The following PLS1 variants were observed in gnomAD, a reference collection of about 807,000 sequenced individuals.
PLS1 encodes plastin-1.
Under a neutral mutation model 73.7 loss-of-function variants are expected in PLS1, and 32 were observed. The ratio of observed to expected loss-of-function variants is 0.43; its 90% CI spans 0.33 to 0.58. PLS1 has a LOEUF of 0.58. PLS1 is among the 20% of genes least tolerant of loss of function. The probability of loss-of-function intolerance (pLI) is 0.04; values close to 1 mark genes in which losing one functional copy is unlikely to be tolerated. For missense variants in PLS1, 633 were observed against 740.5 expected, an observed-to-expected ratio of 0.85 and a Z score of 1.68; for synonymous variants, 217 against 261.3, an observed-to-expected ratio of 0.83 and a Z score of 1.63.
intron 12 of PLS1, among the ~76,000 whole-genome samples, chr3:142,703,624 G>GGGAT (rs910927610): frequency 3.3e-5 from 5 of 152,076 alleles, no homozygotes; most frequent in African/African-American, 1.2e-4. Context: ...AGAGTAGGAA[G>GGGAT]GGATCTTAAA....
Position 142,700,084 on chromosome 3 carries a change from C to A in PLS1, c.1371+2017C>A, listed in dbSNP as rs527419475. ...GAACTACAAATAAATACATATGTCA[C>A]AAATGAATCATATGCAGAATACTTT... On this transcript the variant is annotated intron_variant, in intron 12 of 15. Coordinates refer to ENST00000457734, the MANE Select transcript of PLS1 (RefSeq NM_001145319.2). Among the ~76,000 whole-genome samples, 36 of 152,186 alleles carry A rather than the reference C, an allele frequency of 2.4e-4. No homozygotes were observed. In the South Asian group the frequency reaches 6.4e-3, roughly 27 times the overall value.
intron 4 of PLS1, among the ~76,000 whole-genome samples, chr3:142,674,381 A>G (rs2037674787): frequency 6.6e-6 from 1 of 152,172 alleles, no homozygotes; most frequent in Non-Finnish European, 1.5e-5. Flanking sequence ...TGTGTGGTGG[A>G]TTAAATTTTG....
chr3:142,655,523 C>T (rs1050939033), intron 1 of PLS1, among the ~76,000 whole-genome samples: 24 of 152,046 alleles, frequency 1.6e-4, no homozygotes, highest in African/African-American at 5.5e-4. Flanking sequence ...GAGTTCGAGA[C>T]CAGCCTGGCC....
intron 1 of PLS1, among the ~76,000 whole-genome samples, chr3:142,616,732 A>G (rs192620413): frequency 0.011 from 1,742 of 152,146 alleles, 31 homozygotes; most frequent in African/African-American, 0.04. Context: ...CCTCCCAAGT[A>G]GCTGGGATTA....
intron 4 of PLS1, among the ~76,000 whole-genome samples, 175 bp from the exon 5 acceptor site, chr3:142,675,982 C>T (rs769687078): frequency 6.6e-6 from 1 of 152,178 alleles, no homozygotes; most frequent in African/African-American, 2.4e-5. Context: ...CACCCAGCCA[C>T]CTTTCTTCTT....
At chr3:142,709,833 T>A (rs1207922317) in intron 14 of PLS1, among the ~76,000 whole-genome samples, 5 of 136,570 alleles carry the variant, frequency 3.7e-5, no homozygotes, top group African/African-American at 8.5e-5. Flanking sequence ...AAAAAAAAAA[T>A]TAATAAATGA....
At chr3:142,689,903 G>T in intron 10 of PLS1, 90 bp downstream of exon 10, 1 of 823,084 alleles carries the variant, frequency 1.2e-6, no homozygotes, top group Non-Finnish European at 1.9e-6. Flanking sequence ...GATTGTGGTG[G>T]GAAATGCAAT....
At chr3:142,646,126 A>G (rs1421371969) in intron 1 of PLS1, among the ~76,000 whole-genome samples, 2 of 152,192 alleles carry the variant, frequency 1.3e-5, no homozygotes, top group Non-Finnish European at 2.9e-5. Context: ...TGCGAACTGT[A>G]ATAATATCAA....
chr3:142,637,533 T>C (rs1435750533), intron 1 of PLS1, among the ~76,000 whole-genome samples: 3 of 152,212 alleles, frequency 2.0e-5, no homozygotes, highest in Non-Finnish European at 4.4e-5. Flanking sequence ...CGTATGTCAA[T>C]TATACCTTAA....
At chr3:142,645,837 C>A (rs760343361) in intron 1 of PLS1, among the ~76,000 whole-genome samples, 27 of 152,104 alleles carry the variant, frequency 1.8e-4, no homozygotes, top group Admixed American at 2.0e-4. Flanking sequence ...TTATTTAAAT[C>A]TTTTAATCCA....
Position 142,660,572 on chromosome 3 carries a change from G to GT in PLS1, c.-36-3629dup, listed in dbSNP as rs558470637. On this transcript the variant is annotated intron_variant, in intron 1 of 15. Coordinates refer to ENST00000457734, the MANE Select transcript of PLS1 (RefSeq NM_001145319.2). ...TGGCTCACCACCTCTGCCCAGCATGGTGAGAGTATCATACCGCTCTCTGCT... is the reference window on the plus strand; with the variant it reads ...TGGCTCACCACCTCTGCCCAGCATGGTTGAGAGTATCATACCGCTCTCTGCT... 2.6e-3 allele frequency among the ~76,000 whole-genome samples: 395 copies of GT among 152,268 alleles called. 5 individuals carry two copies. The highest frequency in any genetic ancestry group is 2.2e-4 in the Non-Finnish European group (15 of 68,014).
At chr3:142,625,275 G>C (rs1439078321) in intron 1 of PLS1, among the ~76,000 whole-genome samples, 2 of 152,110 alleles carry the variant, frequency 1.3e-5, no homozygotes, top group Non-Finnish European at 2.9e-5. Flanking sequence ...TGATTTTAAG[G>C]CACTCCCTGG....
At position 142,676,147 on chromosome 3, in the gene PLS1, C is replaced by G; in HGVS notation, c.365-10C>G. The G allele has an allele frequency of 6.2e-7, 1 of 1,606,618 alleles. No homozygotes were observed. The highest frequency in any genetic ancestry group is 1.1e-5 in the South Asian group (1 of 89,234). ...AATGAGATTTGCCTACCAAGGTTTTCTCCTTTCAGAGGAAGAAAAAGTGGC... is the reference window on the plus strand; with the variant it reads ...AATGAGATTTGCCTACCAAGGTTTTGTCCTTTCAGAGGAAGAAAAAGTGGC... On this transcript the variant is annotated splice_polypyrimidine_tract_variant and intron_variant, in intron 4 of 15. Transcript: ENST00000457734.
At chr3:142,607,318 T>C in intron 1 of PLS1, among the ~76,000 whole-genome samples, 1 of 152,232 alleles carries the variant, frequency 6.6e-6, no homozygotes, top group Non-Finnish European at 1.5e-5. Context: ...TCTCGCTTTG[T>C]CACCAGGCTG....
intron 1 of PLS1, among the ~76,000 whole-genome samples, chr3:142,616,595 T>C (rs1045575243): frequency 3.3e-5 from 5 of 152,090 alleles, no homozygotes; most frequent in African/African-American, 1.2e-4. Flanking sequence ...TGTTGTTTAG[T>C]GACACAATTA....
At chr3:142,689,200 G>A (rs530536955) in intron 9 of PLS1, among the ~76,000 whole-genome samples, 3 of 152,134 alleles carry the variant, frequency 2.0e-5, no homozygotes, top group Admixed American at 6.5e-5. Context: ...TTGGGAGGCC[G>A]AGGTGGGCGG....
chr3:142,633,381 C>A (rs1387704464), intron 1 of PLS1, among the ~76,000 whole-genome samples: 1 of 152,152 alleles, frequency 6.6e-6, no homozygotes, highest in Non-Finnish European at 1.5e-5. Flanking sequence ...TAGTTCACAC[C>A]TGTAATCTAG....
intron 14 of PLS1, among the ~76,000 whole-genome samples, chr3:142,704,815 ATTT>A (rs375093448): frequency 2.2e-5 from 3 of 133,474 alleles, no homozygotes; most frequent in African/African-American, 8.3e-5. Context: ...CACCCGGCTA[ATTT>A]TTTTTTTTTT....
intron 10 of PLS1, among the ~76,000 whole-genome samples, chr3:142,690,395 A>G (rs2038062339): frequency 1.3e-5 from 2 of 152,158 alleles, no homozygotes; most frequent in African/African-American, 4.8e-5. Context: ...AGTACCATTT[A>G]TTCTTTCCAT....
Sources: gnomAD v4.1 joint callset for allele counts (sites outside exome capture counted in the v4.1 genomes callset) on GRCh38, gnomAD v4.1.1 for gene constraint, MANE v1.5 for transcripts, NCBI Gene and HGNC (gene_info 2026-07-23, HGNC 2026-07-21) for gene names.